The following GLRA3 variants were observed in gnomAD, a reference collection of about 807,000 sequenced individuals.
GLRA3 encodes glycine receptor alpha 3, also known as glycine receptor subunit alpha-3.
In GLRA3, 44 loss-of-function variants were observed where a neutral mutation model predicts 60.4. The observed-to-expected ratio is 0.73, with a 90% CI of 0.57 to 0.94. GLRA3 has a LOEUF of 0.94. Ranked by LOEUF, GLRA3 falls within the 40% of genes least tolerant of loss-of-function variation. The probability of loss-of-function intolerance (pLI) is 0.00; values close to 1 mark genes in which losing one functional copy is unlikely to be tolerated. For missense variants in GLRA3, 508 were observed against 564.6 expected (o/e 0.90, Z 1.02); for synonymous variants, 223 against 192.9 (o/e 1.16, Z -1.29).
intron 4 of GLRA3, among the ~76,000 whole-genome samples, chr4:174,717,300 AAAAGAAAGAAGG>A (rs1194290726): frequency 1.3e-5 from 2 of 150,832 alleles, no homozygotes; most frequent in Admixed American, 1.3e-4. Context: ...GAAAGAAAGA[AAAAGAAAGAAGG>A]AAAGAAAGAA....
intron 4 of GLRA3, among the ~76,000 whole-genome samples, chr4:174,720,464 T>A (rs1318667220): frequency 1.3e-5 from 2 of 152,312 alleles, no homozygotes; most frequent in South Asian, 4.1e-4. Flanking sequence ...GTCACTGCCA[T>A]GTATCTAAGA....
intron 9 of GLRA3, among the ~76,000 whole-genome samples, chr4:174,648,683 C>T (rs536397477): frequency 6.6e-6 from 1 of 152,190 alleles, no homozygotes; most frequent in Non-Finnish European, 1.5e-5. Context: ...GCATGTGGCC[C>T]TCATTCTGGG....
chr4:174,720,155 G>A (rs750662258), intron 4 of GLRA3, among the ~76,000 whole-genome samples: 3 of 152,074 alleles, frequency 2.0e-5, no homozygotes, highest in African/African-American at 7.2e-5. Context: ...GGGTTTCTTA[G>A]TAATATTAGT....
intron 5 of GLRA3, among the ~76,000 whole-genome samples, chr4:174,705,841 TG>T (rs147178082): frequency 0.042 from 2,068 of 49,434 alleles, 98 homozygotes; most frequent in African/African-American, 0.13. Flanking sequence ...TGTAGTGGGG[TG>T]GGGGTGGGGA....
At chr4:174,679,201 G>A (rs555751479) in intron 6 of GLRA3, among the ~76,000 whole-genome samples, 1 of 152,090 alleles carries the variant, frequency 6.6e-6, no homozygotes, top group East Asian at 1.9e-4. Flanking sequence ...CGTGGTGGTG[G>A]GCGCCTGTAG....
intron 4 of GLRA3, among the ~76,000 whole-genome samples, chr4:174,726,686 G>A (rs1736337789): frequency 1.3e-5 from 2 of 152,170 alleles, no homozygotes; most frequent in African/African-American, 4.8e-5. Flanking sequence ...TACACAGCCA[G>A]CCTGTGCTTA....
chr4:174,737,279 T>C (rs1166625334), intron 3 of GLRA3, among the ~76,000 whole-genome samples: 1 of 152,132 alleles, frequency 6.6e-6, no homozygotes, highest in Non-Finnish European at 1.5e-5. Flanking sequence ...ATTTAAAAAT[T>C]TCATCTATTT....
At chr4:174,821,022 C>T (rs1740721781) in intron 1 of GLRA3, among the ~76,000 whole-genome samples, 1 of 151,958 alleles carries the variant, frequency 6.6e-6, no homozygotes, top group African/African-American at 2.4e-5. Flanking sequence ...TGCTTTATAA[C>T]TAAAAGTTAA....
At chr4:174,812,056 C>A (rs952228302) in intron 1 of GLRA3, among the ~76,000 whole-genome samples, 16 of 151,962 alleles carry the variant, frequency 1.1e-4, no homozygotes, top group African/African-American at 3.9e-4. Flanking sequence ...TGTGTATTAT[C>A]AGAAAAATAC....
chr4:174,726,118 A>G (rs536019469), intron 4 of GLRA3, among the ~76,000 whole-genome samples: 11 of 152,354 alleles, frequency 7.2e-5, no homozygotes, highest in African/African-American at 2.6e-4. Flanking sequence ...GAGTGGCCTC[A>G]GAACTGCTAG....
chr4:174,694,104 T>G (rs2111023059), intron 5 of GLRA3, among the ~76,000 whole-genome samples: 1 of 152,206 alleles, frequency 6.6e-6, no homozygotes, highest in Non-Finnish European at 1.5e-5. Flanking sequence ...CTTAGAGACC[T>G]ACAAAGAGAA....
Position 174,695,672 on chromosome 4 carries a change from C to G in GLRA3, c.575-12733G>C, listed in dbSNP as rs564435891. Among the ~76,000 whole-genome samples the G allele has an allele frequency of 3.9e-5, 6 of 152,244 alleles. 1 individual carries two copies. The South Asian group carries it at 1.0e-3, about 26-fold the overall frequency. ...AAGCTGGAAGCATTCCCCTTGAAAA[C>G]TGGCACAAGACGAGAATGTCCTCTC... On this transcript the variant is annotated intron_variant, in intron 5 of 9. Transcript: ENST00000274093.
Position 174,639,817 on chromosome 4 carries a change from A to C in GLRA3, c.*3969T>G, listed in dbSNP as rs186325147. On this transcript the variant is annotated 3_prime_UTR_variant, in exon 10 of 10. Coordinates refer to ENST00000274093, the MANE Select transcript of GLRA3 (RefSeq NM_006529.4). ...CTGCTTATTTATCCATGAAAGGTTT[A>C]TATAACAATAAAAAAAATGCAGTGA... 1.5e-4 allele frequency: 22 copies of C among 150,426 alleles called. No homozygotes were observed. In the East Asian group the frequency reaches 4.2e-3, roughly 29 times the overall value. 9.3% of individuals were successfully genotyped at this position (150,426 alleles called of 1,614,324 possible).
chr4:174,807,033 G>A (rs1740079234), intron 1 of GLRA3, among the ~76,000 whole-genome samples: 1 of 151,974 alleles, frequency 6.6e-6, no homozygotes, highest in South Asian at 2.1e-4. Flanking sequence ...GTTCTCAGAA[G>A]AAAATAGCCA....
intron 5 of GLRA3, among the ~76,000 whole-genome samples, chr4:174,706,026 C>G (rs1442955388): frequency 3.3e-5 from 5 of 151,852 alleles, no homozygotes; most frequent in African/African-American, 4.8e-5. Context: ...GTCAGGAATC[C>G]AGACCATCCT....
intron 3 of GLRA3, among the ~76,000 whole-genome samples, chr4:174,734,542 C>T (rs1736693839): frequency 6.6e-6 from 1 of 152,178 alleles, no homozygotes. Context: ...AAATCTCCCT[C>T]TGACTTCTCC....
intron 1 of GLRA3, among the ~76,000 whole-genome samples, chr4:174,827,909 A>G (rs1741043608): frequency 6.6e-6 from 1 of 152,128 alleles, no homozygotes; most frequent in Non-Finnish European, 1.5e-5. Context: ...TGGAAATCCT[A>G]TGGTAATTAA....
chr4:174,749,587 T>C (rs992157594), intron 3 of GLRA3, among the ~76,000 whole-genome samples: 4 of 152,110 alleles, frequency 2.6e-5, no homozygotes, highest in African/African-American at 9.7e-5. Flanking sequence ...CAAAGAATAA[T>C]GTCACAGGCA....
At chr4:174,644,506 C>T (rs1732743505) in intron 9 of GLRA3, among the ~76,000 whole-genome samples, 1 of 144,318 alleles carries the variant, frequency 6.9e-6, no homozygotes, top group Non-Finnish European at 1.5e-5. Context: ...GGAGACAAAC[C>T]TTTTAAAGTT....
Sources: allele counts gnomAD v4.1 joint callset (sites outside exome capture counted in the v4.1 genomes callset), GRCh38; gene constraint gnomAD v4.1.1; transcripts MANE v1.5; gene names NCBI Gene and HGNC (gene_info 2026-07-23, HGNC 2026-07-21).